TMEM154: variants seen among roughly 807,000 people sequenced by gnomAD.
TMEM154 encodes transmembrane protein 154.
Under a neutral mutation model 24.5 loss-of-function variants are expected in TMEM154, and 27 were observed. The observed-to-expected ratio is 1.10, with a 90% confidence interval of 0.81 to 1.52. TMEM154 has a LOEUF of 1.52. TMEM154 is among the 40% of genes most tolerant of loss of function. TMEM154 has a pLI of 0.00. For missense variants in TMEM154, 228 were observed against 213.4 expected (o/e 1.07, Z -0.43); for synonymous variants, 67 against 76.8 (o/e 0.87, Z 0.67).
chr4:152,643,294 A>G, intron 4 of TMEM154, 121 bp from the exon 5 acceptor site: 2 of 731,640 alleles, frequency 2.7e-6, no homozygotes, highest in Non-Finnish European at 4.5e-6. Flanking sequence ...CTTATGCTCT[A>G]GGGAAGCCTG....
rs1239227223 is a variant in TMEM154, at chr4:152,679,853, A to AT, written c.64+16_64+17insA. The AT allele has an allele frequency of 6.2e-7, 1 of 1,602,986 alleles. No homozygotes were observed. Among genetic ancestry groups the AT allele is most frequent in the African/African-American group, 1.3e-5 (1 of 74,840 alleles). ...TGCGATCCTCCTTCCCAGGAGTAGG[A>AT]AGTGGAGGCGGCTTACCCCGGCCGA... On this transcript the variant is annotated intron_variant, in intron 1 of 6. Transcript: ENST00000304385.
In TMEM154 at chr4:152,626,551, T is replaced by C. The variant is rs1008476033; in HGVS notation, c.*1995A>G. ...ATAGCTTTACCAAATAAAAACTCAATGACATGTCGCTGAAATTTGCTTCTT... is the reference window on the plus strand; with the variant it reads ...ATAGCTTTACCAAATAAAAACTCAACGACATGTCGCTGAAATTTGCTTCTT... On this transcript the variant is annotated 3_prime_UTR_variant, in exon 7 of 7. Transcript: ENST00000304385. 3 of 152,212 alleles carry C rather than the reference T, an allele frequency of 2.0e-5. No homozygotes were observed. The highest frequency in any genetic ancestry group is 7.2e-5 in the African/African-American group (3 of 41,456). The allele number at this position is 152,212 out of a possible 1,614,324, so 9.4% of individuals were successfully genotyped here. A position where few individuals can be genotyped will look rare whatever the true frequency, so the allele number is the denominator to read the frequency against.
At chr4:152,661,284 T>TTCTCTTTC (rs1728596320) in intron 1 of TMEM154, among the ~76,000 whole-genome samples, 4 of 63,454 alleles carry the variant, frequency 6.3e-5, no homozygotes, top group African/African-American at 2.4e-4. Context: ...ATTGTTCTCT[T>TTCTCTTTC]TCTCTCTCTC....
chr4:152,671,768 A>AG (rs397728675), intron 1 of TMEM154, among the ~76,000 whole-genome samples: 7 of 149,132 alleles, frequency 4.7e-5, no homozygotes, highest in African/African-American at 1.7e-4. Flanking sequence ...AAAAAAAAAA[A>AG]GAAAAGAAAA....
Position 152,620,710 on chromosome 4 carries a change from A to G in TMEM154, c.*7836T>C. The G allele has an allele frequency of 6.6e-6, 1 of 152,208 alleles. No individual in the cohort carries two copies. The highest frequency in any genetic ancestry group is 2.1e-4 in the South Asian group (1 of 4,822). 9.4% of individuals were successfully genotyped at this position (152,208 alleles called of 1,614,324 possible). ...AGACGGGGGTTTCACCATGTTGGCC[A>G]GGCTGGTCTCAAACTCCTGACCTCA... On this transcript the variant is annotated 3_prime_UTR_variant, in exon 7 of 7. Coordinates refer to ENST00000304385, the MANE Select transcript of TMEM154 (RefSeq NM_152680.3).
At chr4:152,660,466 G>A (rs79011906) in intron 1 of TMEM154, among the ~76,000 whole-genome samples, 148 of 150,744 alleles carry the variant, frequency 9.8e-4, no homozygotes, top group Middle Eastern at 3.4e-3. Context: ...AATTTACTAA[G>A]AACCAATCTC....
chr4:152,641,903 CTTTTTTTTTTTTTTT>C (rs780465309), intron 5 of TMEM154, among the ~76,000 whole-genome samples: 20 of 41,482 alleles, frequency 4.8e-4, no homozygotes, highest in East Asian at 1.7e-3. Context: ...AGCAATAATT[CTTTTTTTTTTTTTTT>C]TTTTTTTTTT....
At chr4:152,648,807 C>G (rs1379609100) in intron 3 of TMEM154, among the ~76,000 whole-genome samples, 3 of 152,180 alleles carry the variant, frequency 2.0e-5, no homozygotes, top group Non-Finnish European at 4.4e-5. Flanking sequence ...GTGGATACCT[C>G]CAACATCCCC....
chr4:152,674,418 C>G (rs1728911553), intron 1 of TMEM154, among the ~76,000 whole-genome samples: 1 of 152,178 alleles, frequency 6.6e-6, no homozygotes, highest in East Asian at 1.9e-4. Context: ...AACCTGGGCC[C>G]TCCTCTGATT....
chr4:152,644,498 T>C, intron 3 of TMEM154, 56 bp from the exon 4 acceptor site: 2 of 1,558,046 alleles, frequency 1.3e-6, no homozygotes, highest in Non-Finnish European at 8.9e-7. Flanking sequence ...TAACAACTTT[T>C]AATTTCAACA....
intron 3 of TMEM154, among the ~76,000 whole-genome samples, chr4:152,650,514 C>T (rs1728356664): frequency 6.6e-6 from 1 of 152,182 alleles, no homozygotes. Context: ...ACCACATCTG[C>T]AGTGACCCCT....
At chr4:152,671,786 G>T (rs566529725) in intron 1 of TMEM154, among the ~76,000 whole-genome samples, 49 of 150,226 alleles carry the variant, frequency 3.3e-4, no homozygotes, top group African/African-American at 1.1e-3. Flanking sequence ...AAATAGCCTA[G>T]GTGAGAGCCC....
At chr4:152,678,656 G>A (rs867451837) in intron 1 of TMEM154, among the ~76,000 whole-genome samples, 7 of 152,186 alleles carry the variant, frequency 4.6e-5, no homozygotes, top group Non-Finnish European at 2.9e-5. Flanking sequence ...TTCTTCACCT[G>A]TGTGCCCAAT....
chr4:152,636,777 A>C (rs1490212595), intron 6 of TMEM154, among the ~76,000 whole-genome samples: 3 of 152,238 alleles, frequency 2.0e-5, no homozygotes, highest in Non-Finnish European at 2.9e-5. Context: ...CTTAATAGAT[A>C]ACAGAGGTTC....
intron 1 of TMEM154, among the ~76,000 whole-genome samples, chr4:152,670,763 A>T (rs1323990998): frequency 6.6e-6 from 1 of 152,180 alleles, no homozygotes; most frequent in Non-Finnish European, 1.5e-5. Flanking sequence ...TCATATATAC[A>T]AGTAAATCTT....
chr4:152,652,968 A>G, intron 1 of TMEM154, 41 bp from the exon 2 acceptor site: 1 of 1,525,130 alleles, frequency 6.6e-7, no homozygotes. Context: ...CATGGAGACA[A>G]AGTTAGTATG....
Position 152,679,972 on chromosome 4 carries a change from G to T in TMEM154, c.-39C>A. On this transcript the variant is annotated 5_prime_UTR_variant, in exon 1 of 7. Transcript: ENST00000304385. The stretch of plus-strand genomic sequence containing the variant: ...GGCAGAGGCGCGCTCAGGATGCTGC[G>T]CCGGGCTGCAGCCTCTCTGAAACGT... The T allele has an allele frequency of 1.3e-6, 2 of 1,566,922 alleles. No individual in the cohort carries two copies. Among genetic ancestry groups the T allele is most frequent in the Non-Finnish European group, 1.7e-6 (2 of 1,148,618 alleles).
chr4:152,669,625 CAAGTAT>C (rs1373668210), intron 1 of TMEM154: 3 of 152,012 alleles, frequency 2.0e-5, no homozygotes, highest in East Asian at 1.9e-4. Context: ...AATAAGCAAA[CAAGTAT>C]AAGTCTTAGA....
intron 6 of TMEM154, among the ~76,000 whole-genome samples, chr4:152,632,050 G>A (rs567217044): frequency 1.8e-4 from 28 of 151,494 alleles, no homozygotes; most frequent in East Asian, 7.8e-4. Flanking sequence ...CTCGTGATCC[G>A]CCCGCCTCGG....
Sources: allele counts gnomAD v4.1 joint callset (sites outside exome capture counted in the v4.1 genomes callset), GRCh38; gene constraint gnomAD v4.1.1; transcripts MANE v1.5; gene names NCBI Gene and HGNC (gene_info 2026-07-23, HGNC 2026-07-21).